Variants in FSTL5 observed in about 807,000 individuals in gnomAD.
FSTL5 encodes the protein follistatin like 5, also known as follistatin-related protein 5.
A neutral mutation model predicts 89.1 loss-of-function variants in FSTL5; 62 were observed. The ratio of observed to expected loss-of-function variants is 0.70; its 90% CI spans 0.57 to 0.86. FSTL5 has a LOEUF of 0.86. Among genes scored for constraint, FSTL5 ranks in the 40% least tolerant of loss-of-function variants. The pLI is 0.00. For synonymous variants in FSTL5, 383 were observed against 346.2 expected (o/e 1.11, Z -1.18); for missense variants, 1,057 against 1,001.6 (o/e 1.06, Z -0.75).
At chr4:162,103,986 GCT>G (rs1412615884) in intron 2 of FSTL5, among the ~76,000 whole-genome samples, 1 of 152,200 alleles carries the variant, frequency 6.6e-6, no homozygotes, top group African/African-American at 2.4e-5. Flanking sequence ...TTGTATGGGA[GCT>G]CTGTTTTCAC....
intron 7 of FSTL5, among the ~76,000 whole-genome samples, chr4:161,649,050 T>C (rs1042806358): frequency 4.6e-5 from 7 of 152,186 alleles, no homozygotes; most frequent in Non-Finnish European, 1.0e-4. Flanking sequence ...GTGTCAGATA[T>C]GCAAATAACA....
chr4:162,163,319 G>T (rs1275339787), intron 1 of FSTL5, among the ~76,000 whole-genome samples: 4 of 151,564 alleles, frequency 2.6e-5, no homozygotes, highest in East Asian at 1.9e-4. Context: ...TGAAAGTATT[G>T]CTCTAAAATA....
intron 15 of FSTL5, among the ~76,000 whole-genome samples, chr4:161,415,821 G>GATATAT (rs60018441): frequency 2.6e-4 from 37 of 139,770 alleles, no homozygotes; most frequent in African/African-American, 7.4e-4. Flanking sequence ...ACATATAGGG[G>GATATAT]ATATATATAT....
intron 1 of FSTL5, among the ~76,000 whole-genome samples, chr4:162,143,999 C>T (rs1249362027): frequency 6.6e-6 from 1 of 151,994 alleles, no homozygotes; most frequent in Non-Finnish European, 1.5e-5. Context: ...GATATTGAAC[C>T]TCGCAGGGTG....
chr4:161,609,171 C>G (rs1420726156), intron 7 of FSTL5, among the ~76,000 whole-genome samples: 1 of 152,072 alleles, frequency 6.6e-6, no homozygotes, highest in East Asian at 1.9e-4. Context: ...GGCACATACA[C>G]AGTGTTCAAT....
intron 10 of FSTL5, among the ~76,000 whole-genome samples, chr4:161,525,220 TA>T (rs1185767470): frequency 6.6e-6 from 1 of 152,284 alleles, no homozygotes; most frequent in Non-Finnish European, 1.5e-5. Context: ...CAAGACTTTC[TA>T]AAAATAGAGA....
chr4:161,686,337 TATATATATA>T lies in FSTL5; in HGVS notation c.728-29852_728-29844del, dbSNP rs1490298209. Among the ~76,000 whole-genome samples the T allele has an allele frequency of 2.6e-3, 22 of 8,388 alleles. 1 individual carries two copies. Among genetic ancestry groups the T allele is most frequent in the South Asian group, 0.017 (2 of 116 alleles). 5.5% of individuals were successfully genotyped at this position (8,388 alleles called of 152,430 possible). A position where few individuals can be genotyped will look rare whatever the true frequency, so the allele number is the denominator to read the frequency against. Reference sequence around the variant, plus strand: ...ATATATATATATATATATATATATATATATATATATTTTTTTTTTTTTTTTTTTTTTTTT... The same window carrying T: ...ATATATATATATATATATATATATATTTTTTTTTTTTTTTTTTTTTTTTTT... On this transcript the variant is annotated intron_variant, in intron 6 of 15. Coordinates refer to ENST00000306100, the MANE Select transcript of FSTL5 (RefSeq NM_020116.5).
intron 8 of FSTL5, among the ~76,000 whole-genome samples, chr4:161,558,069 G>A (rs1732453490): frequency 6.6e-6 from 1 of 152,026 alleles, no homozygotes. Context: ...GCTATGAACT[G>A]TGGATATTTG....
chr4:161,683,832 TTG>T (rs1737610110), intron 6 of FSTL5, among the ~76,000 whole-genome samples: 1 of 152,162 alleles, frequency 6.6e-6, no homozygotes, highest in South Asian at 2.1e-4. Context: ...TGTCAGATTT[TTG>T]TGTAGCCATC....
At chr4:161,911,771 T>G (rs964802832) in intron 4 of FSTL5, among the ~76,000 whole-genome samples, 1 of 152,220 alleles carries the variant, frequency 6.6e-6, no homozygotes, top group Non-Finnish European at 1.5e-5. Flanking sequence ...TTGTTTTGAA[T>G]ACTTTTTTAA....
Position 161,872,128 on chromosome 4 carries a change from G to GTTTTTTTGTTTGTTT in FSTL5, c.409+48275_409+48276insAAACAAACAAAAAAA, listed in dbSNP as rs1732282226. Among the ~76,000 whole-genome samples the GTTTTTTTGTTTGTTT allele has an allele frequency of 2.7e-4, 17 of 64,130 alleles. 2 individuals are homozygous for GTTTTTTTGTTTGTTT. The highest frequency in any genetic ancestry group is 3.8e-4 in the Non-Finnish European group (11 of 29,124). 42.1% of individuals were successfully genotyped at this position (64,130 alleles called of 152,430 possible). On this transcript the variant is annotated intron_variant, in intron 4 of 15. Transcript: ENST00000306100. ...CACATCTGGCTAGGCTTTGTAGTTT[G>GTTTTTTTGTTTGTTT]TTTTTTTTTTTGGTTTTTTTTTTTT...
intron 10 of FSTL5, among the ~76,000 whole-genome samples, chr4:161,521,665 G>T (rs917381470): frequency 6.6e-6 from 1 of 151,570 alleles, no homozygotes; most frequent in African/African-American, 2.4e-5. Context: ...TGGCTAACAC[G>T]GTGAAACCCC....
intron 1 of FSTL5, among the ~76,000 whole-genome samples, chr4:162,114,694 A>C (rs1281630441): frequency 6.6e-6 from 1 of 152,168 alleles, no homozygotes; most frequent in African/African-American, 2.4e-5. Flanking sequence ...ACTTAGATCA[A>C]CATTATCCTG....
intron 3 of FSTL5, among the ~76,000 whole-genome samples, chr4:162,006,096 CT>C (rs879594907): frequency 1.3e-5 from 2 of 151,674 alleles, no homozygotes; most frequent in Admixed American, 1.3e-4. Flanking sequence ...ATAACATAGG[CT>C]TTTTTTTTAA....
intron 4 of FSTL5, among the ~76,000 whole-genome samples, chr4:161,848,799 A>G (rs1447781797): frequency 6.6e-6 from 1 of 152,128 alleles, no homozygotes; most frequent in Admixed American, 6.6e-5. Flanking sequence ...GTCTTGACAA[A>G]CCATAAACTG....
chr4:161,907,452 T>A (rs747569245), intron 4 of FSTL5, among the ~76,000 whole-genome samples: 2 of 152,122 alleles, frequency 1.3e-5, no homozygotes, highest in Non-Finnish European at 2.9e-5. Flanking sequence ...GCTACAGCTG[T>A]ATGGTTAATA....
At chr4:161,887,903 A>T (rs1167896220) in intron 4 of FSTL5, among the ~76,000 whole-genome samples, 1 of 152,146 alleles carries the variant, frequency 6.6e-6, no homozygotes, top group Admixed American at 6.6e-5. Context: ...ATCAGGATTC[A>T]TCTAGTCCCC....
chr4:161,886,815 C>A (rs1732822927), intron 4 of FSTL5, among the ~76,000 whole-genome samples: 1 of 152,138 alleles, frequency 6.6e-6, no homozygotes, highest in African/African-American at 2.4e-5. Context: ...AGAAAATGCA[C>A]ATGCTAAATA....
chr4:161,424,770 T>C (rs867109740), intron 15 of FSTL5, among the ~76,000 whole-genome samples: 1 of 152,168 alleles, frequency 6.6e-6, no homozygotes, highest in Non-Finnish European at 1.5e-5. Context: ...CAAATGAAAA[T>C]GAAGTCACTT....
Sources: gnomAD v4.1 joint callset for allele counts (sites outside exome capture counted in the v4.1 genomes callset) on GRCh38, gnomAD v4.1.1 for gene constraint, MANE v1.5 for transcripts, NCBI Gene and HGNC (gene_info 2026-07-23, HGNC 2026-07-21) for gene names.